PKNOX2: variants seen among roughly 807,000 people sequenced by gnomAD.
PKNOX2 encodes PBX/knotted 1 homeobox 2.
Under a neutral mutation model 53.1 loss-of-function variants are expected in PKNOX2, and 14 were observed. The ratio of observed to expected loss-of-function variants is 0.26; its 90% confidence interval spans 0.17 to 0.41. PKNOX2 has a LOEUF of 0.41. PKNOX2 is among the 10% of genes least tolerant of loss of function. The probability of loss-of-function intolerance (pLI) is 1.00; values close to 1 mark genes in which losing one functional copy is unlikely to be tolerated. For missense variants in PKNOX2, 496 were observed against 602.8 expected (o/e 0.82, Z 1.85); for synonymous variants, 257 against 242.8 (o/e 1.06, Z -0.54).
intron 1 of PKNOX2, among the ~76,000 whole-genome samples, chr11:125,200,360 C>T (rs547460840): frequency 1.3e-5 from 2 of 152,354 alleles, no homozygotes; most frequent in East Asian, 3.9e-4. Context: ...CCTGCCCAAT[C>T]TCACCGAATA....
chr11:125,323,486 C>T (rs1386496101), intron 2 of PKNOX2, among the ~76,000 whole-genome samples: 1 of 152,162 alleles, frequency 6.6e-6, no homozygotes, highest in East Asian at 1.9e-4. Flanking sequence ...TGTAAATCTT[C>T]CCTGAGTGGG....
chr11:125,339,298 G>C (rs1169997218), intron 3 of PKNOX2, among the ~76,000 whole-genome samples: 1 of 152,232 alleles, frequency 6.6e-6, no homozygotes, highest in African/African-American at 2.4e-5. Context: ...TCTGGGCTGA[G>C]AGCGGAAGAG....
intron 1 of PKNOX2, among the ~76,000 whole-genome samples, chr11:125,220,682 G>T (rs750770962): frequency 3.3e-5 from 5 of 152,160 alleles, no homozygotes; most frequent in African/African-American, 4.8e-5. Flanking sequence ...CCTTGCCTAG[G>T]ATCCGGCCTT....
chr11:125,388,382 C>G (rs1245953061), intron 6 of PKNOX2, among the ~76,000 whole-genome samples: 5 of 152,170 alleles, frequency 3.3e-5, no homozygotes, highest in Non-Finnish European at 1.5e-5. Flanking sequence ...GACTGTAACT[C>G]TTTATCCGGA....
intron 2 of PKNOX2, among the ~76,000 whole-genome samples, chr11:125,303,005 C>T (rs1471909556): frequency 6.6e-6 from 1 of 151,962 alleles, no homozygotes; most frequent in Non-Finnish European, 1.5e-5. Flanking sequence ...GCAGCCCCAG[C>T]CCTCTAGAAG....
chr11:125,387,669 G>A (rs116260688), intron 6 of PKNOX2, among the ~76,000 whole-genome samples: 23 of 152,316 alleles, frequency 1.5e-4, no homozygotes, highest in African/African-American at 4.6e-4. Context: ...TGCCCTGGTG[G>A]CCCCATACTG....
intron 7 of PKNOX2, among the ~76,000 whole-genome samples, chr11:125,400,460 C>T (rs1304694670): frequency 2.0e-5 from 3 of 152,318 alleles, no homozygotes; most frequent in Middle Eastern, 3.4e-3. Flanking sequence ...AGAAACCCTG[C>T]TTGCCATGCC....
intron 2 of PKNOX2, among the ~76,000 whole-genome samples, chr11:125,278,595 G>A (rs779885573): frequency 1.2e-4 from 18 of 152,130 alleles, no homozygotes; most frequent in East Asian, 3.9e-4. Flanking sequence ...CTTGGCTTGC[G>A]ACGGAGATGT....
At chr11:125,410,622 C>T (rs1047851459) in intron 8 of PKNOX2, 157 bp from the exon 9 acceptor site, 8 of 666,196 alleles carry the variant, frequency 1.2e-5, no homozygotes, top group Admixed American at 5.6e-5. Context: ...AGACACCATC[C>T]CCCACCCACC....
chr11:125,416,372 C>T (rs973272239), intron 10 of PKNOX2, among the ~76,000 whole-genome samples: 13 of 149,348 alleles, frequency 8.7e-5, no homozygotes, highest in Non-Finnish European at 1.5e-4. Context: ...AATCTGTCCA[C>T]GAGATCTTTC....
chr11:125,229,340 C>T (rs541151949), intron 1 of PKNOX2, among the ~76,000 whole-genome samples: 4 of 152,162 alleles, frequency 2.6e-5, no homozygotes, highest in Non-Finnish European at 2.9e-5. Context: ...TAAAAGGAGG[C>T]GGCTGATACT....
chr11:125,404,410 C>T (rs965453165), intron 7 of PKNOX2, among the ~76,000 whole-genome samples: 2 of 152,158 alleles, frequency 1.3e-5, no homozygotes, highest in Admixed American at 6.5e-5. Context: ...GACCAAGGCC[C>T]CCAACAGGAG....
chr11:125,283,277 A>G (rs1257155004), intron 2 of PKNOX2, among the ~76,000 whole-genome samples: 1 of 152,252 alleles, frequency 6.6e-6, no homozygotes, highest in African/African-American at 2.4e-5. Context: ...TAGTGAAGGC[A>G]TAACTATTAA....
At chr11:125,189,122 A>T (rs548522887) in intron 1 of PKNOX2, among the ~76,000 whole-genome samples, 1 of 151,702 alleles carries the variant, frequency 6.6e-6, no homozygotes, top group African/African-American at 2.4e-5. Flanking sequence ...TTTTGTTCTC[A>T]TCTGCTGCGC....
In PKNOX2 at chr11:125,199,105, T is replaced by C. The variant is rs531346648; in HGVS notation, c.-201+34329T>C. On this transcript the variant is annotated intron_variant, in intron 1 of 12. Transcript: ENST00000298282. ...ATCTGCCCTCCTCGGCCTCCCAAAG[T>C]GCTGGGATTCCTGGCTTGAGCCCCC... Among the ~76,000 whole-genome samples, 3 of 152,198 alleles carry C rather than the reference T, an allele frequency of 2.0e-5. No homozygotes were observed. In the South Asian group the frequency reaches 6.2e-4, roughly 31 times the overall value.
At chr11:125,425,141 A>T (rs1295538909) in intron 10 of PKNOX2, among the ~76,000 whole-genome samples, 2 of 152,154 alleles carry the variant, frequency 1.3e-5, no homozygotes, top group Admixed American at 1.3e-4. Flanking sequence ...GCACTATCTC[A>T]TTAAATCATC....
At chr11:125,417,202 C>T (rs1955933527) in intron 10 of PKNOX2, among the ~76,000 whole-genome samples, 1 of 152,036 alleles carries the variant, frequency 6.6e-6, no homozygotes, top group African/African-American at 2.4e-5. Flanking sequence ...CCAGCTTCTA[C>T]TCCACCCCTT....
chr11:125,308,482 C>T (rs776023230), intron 2 of PKNOX2, among the ~76,000 whole-genome samples: 1 of 152,184 alleles, frequency 6.6e-6, no homozygotes. Context: ...CCAAATGCCA[C>T]ATGTCATGGC....
At position 125,311,348 on chromosome 11, in the gene PKNOX2, G is replaced by A. The variant is rs115894753; in HGVS notation, c.-129-20471G>A. ...CAATATTTTTTTGATCACCTCTTAC[G>A]CCCAAGGCACAGTACTAGATACTGC... On this transcript the variant is annotated intron_variant, in intron 2 of 12. Coordinates refer to ENST00000298282, the MANE Select transcript of PKNOX2 (RefSeq NM_001382323.2). 3.3e-3 allele frequency among the ~76,000 whole-genome samples: 497 copies of A among 152,146 alleles called. 2 individuals are homozygous for A. Among genetic ancestry groups the A allele is most frequent in the African/African-American group, 9.6e-3 (399 of 41,526 alleles).
Sources: allele counts gnomAD v4.1 joint callset (sites outside exome capture counted in the v4.1 genomes callset), GRCh38; gene constraint gnomAD v4.1.1; transcripts MANE v1.5; gene names NCBI Gene and HGNC (gene_info 2026-07-23, HGNC 2026-07-21).